The following TRMT11 variants were observed in gnomAD, a reference collection of about 807,000 sequenced individuals.
TRMT11 encodes the protein tRNA methyltransferase 11, also known as tRNA (guanine(10)-N(2))-methyltransferase TRMT11.
In TRMT11, 53 loss-of-function variants were observed where a neutral mutation model predicts 62.8. The ratio of observed to expected loss-of-function variants is 0.84; its 90% confidence interval spans 0.68 to 1.06. TRMT11 has a LOEUF of 1.06. Among genes scored for constraint, TRMT11 ranks in the 50% least tolerant of loss-of-function variants. TRMT11 has a pLI of 0.00. For synonymous variants in TRMT11, 188 were observed against 190.3 expected (o/e 0.99, Z 0.10); for missense variants, 556 against 553.4 (o/e 1.00, Z -0.05).
chr6:126,224,454 C>CG, the TRMT11 span, among the ~76,000 whole-genome samples: 1 of 152,060 alleles, frequency 6.6e-6, no homozygotes, highest in Non-Finnish European at 1.5e-5. Context: ...TCTCTAATGC[C>CG]GGGGGGCTGG....
At chr6:126,027,277 C>G (rs77160805) in intron 12 of TRMT11, among the ~76,000 whole-genome samples, 4 of 152,266 alleles carry the variant, frequency 2.6e-5, no homozygotes, top group Non-Finnish European at 4.4e-5. Context: ...ATAATAGTTA[C>G]GTTTTCAATG....
Position 126,181,593 on chromosome 6 carries a change from T to C in TRMT11, n.143+4258T>C, listed in dbSNP as rs542550963. On this transcript the variant is annotated intron_variant and non_coding_transcript_variant, in intron 1 of 3. Transcript: ENST00000444229. The stretch of plus-strand genomic sequence containing the variant: ...AGGCTTTACCTTAAAAGGTCAGGAA[T>C]GTAAATTGCCCAAGGTGAACTCTGA... Among the ~76,000 whole-genome samples, 4 of 152,294 alleles carry C rather than the reference T, an allele frequency of 2.6e-5. 1 individual carries two copies. Among genetic ancestry groups the C allele is most frequent in the Admixed American group, 1.3e-4 (2 of 15,290 alleles).
chr6:126,070,159 T>C (rs966988310), intron 17 of TRMT11, among the ~76,000 whole-genome samples: 9 of 152,232 alleles, frequency 5.9e-5, no homozygotes, highest in African/African-American at 2.2e-4. Context: ...GAGACAGTGC[T>C]TGAGGTGTGC....
At chr6:126,080,073 A>G (rs1004629994) in intron 17 of TRMT11, among the ~76,000 whole-genome samples, 1 of 151,474 alleles carries the variant, frequency 6.6e-6, no homozygotes, top group Non-Finnish European at 1.5e-5. Flanking sequence ...GAAAAAGAAA[A>G]CCAACTCTAG....
At chr6:126,080,050 A>G (rs1222180213) in intron 17 of TRMT11, among the ~76,000 whole-genome samples, 1 of 152,098 alleles carries the variant, frequency 6.6e-6, no homozygotes, top group Non-Finnish European at 1.5e-5. Context: ...GTATTTTTTT[A>G]TCTACATAAC....
chr6:126,071,364 T>A (rs898870730), intron 17 of TRMT11, among the ~76,000 whole-genome samples: 10 of 152,302 alleles, frequency 6.6e-5, no homozygotes, highest in South Asian at 4.1e-4. Flanking sequence ...TTTTATTTTT[T>A]TTTTTTGTTT....
At chr6:126,259,597 G>A in the TRMT11 span, among the ~76,000 whole-genome samples, 1 of 152,340 alleles carries the variant, frequency 6.6e-6, no homozygotes, top group East Asian at 1.9e-4. Flanking sequence ...ATGTGTGCAT[G>A]TGTCTTTATG....
At chr6:126,144,892 C>G (rs1777957337) in intron 21 of TRMT11, among the ~76,000 whole-genome samples, 1 of 152,124 alleles carries the variant, frequency 6.6e-6, no homozygotes, top group South Asian at 2.1e-4. Context: ...CCTGATTTTT[C>G]TATACAATTA....
chr6:126,042,053 A>G (rs976727918), downstream of TRMT11, among the ~76,000 whole-genome samples: 2 of 152,206 alleles, frequency 1.3e-5, no homozygotes, highest in African/African-American at 2.4e-5. Flanking sequence ...CATGGAGACA[A>G]TAACAGCAGA....
the TRMT11 span, among the ~76,000 whole-genome samples, chr6:126,214,431 C>T: frequency 2.0e-5 from 3 of 151,984 alleles, no homozygotes; most frequent in South Asian, 6.2e-4. Flanking sequence ...TTAATCTCTT[C>T]AGGTTTTGGA....
At chr6:126,131,522 C>T (rs574784659) in intron 21 of TRMT11, among the ~76,000 whole-genome samples, 1 of 151,990 alleles carries the variant, frequency 6.6e-6, no homozygotes, top group Non-Finnish European at 1.5e-5. Context: ...TACACCACGC[C>T]TTTAAAAGGA....
intron 17 of TRMT11, among the ~76,000 whole-genome samples, chr6:126,069,755 A>G (rs1411025782): frequency 6.6e-6 from 1 of 152,040 alleles, no homozygotes; most frequent in Non-Finnish European, 1.5e-5. Context: ...GTTATTGGAG[A>G]CTTTGAAGGA....
intron 21 of TRMT11, among the ~76,000 whole-genome samples, chr6:126,164,576 G>A (rs371145589): frequency 6.6e-6 from 1 of 152,204 alleles, no homozygotes; most frequent in African/African-American, 2.4e-5. Flanking sequence ...ACAGTGGAGT[G>A]TTAAATTCTC....
At chr6:126,151,527 T>C (rs1778037017) in intron 21 of TRMT11, among the ~76,000 whole-genome samples, 1 of 152,200 alleles carries the variant, frequency 6.6e-6, no homozygotes, top group Non-Finnish European at 1.5e-5. Flanking sequence ...AACCTTACAC[T>C]TAGAGCTCAG....
rs746381680 is a variant in TRMT11 at position 125,998,106 on chromosome 6, C to G, written c.266C>G (p.Ser89Cys). The stretch of plus-strand genomic sequence containing the variant: ...CAATCTCCTGAGGAGCTGTACAGTT[C>G]TCTTAAAAACTACCCTGTGGAGAAG... ...HGQSPEELYS[S>C]LKNYPVEKMV... The change falls in exon 4 of 13, where the codon TCT (serine) becomes TGT (cysteine). Residue 89 changes from serine (S) to cysteine (C), a missense_variant. Coordinates refer to ENST00000334379, the MANE Select transcript of TRMT11 (RefSeq NM_001031712.3). 4.3e-6 allele frequency: 7 copies of G among 1,613,604 alleles called. No individual in the cohort carries two copies. Among genetic ancestry groups the G allele is most frequent in the Middle Eastern group, 3.3e-4 (2 of 6,028 alleles).
chr6:125,986,677 T>C (rs1483083444), intron 1 of TRMT11, 55 bp downstream of exon 1: 1 of 1,490,618 alleles, frequency 6.7e-7, no homozygotes, highest in Non-Finnish European at 9.1e-7. Flanking sequence ...TGGAGTGGAG[T>C]GGAGTGGGTG....
the TRMT11 span, among the ~76,000 whole-genome samples, chr6:126,232,347 A>G: frequency 6.6e-6 from 1 of 152,152 alleles, no homozygotes; most frequent in South Asian, 2.1e-4. Flanking sequence ...AATAGAAGAA[A>G]ACCCCCAAAC....
At chr6:126,167,355 T>C (rs938875403) in intron 21 of TRMT11, among the ~76,000 whole-genome samples, 2 of 152,220 alleles carry the variant, frequency 1.3e-5, no homozygotes, top group Non-Finnish European at 2.9e-5. Flanking sequence ...CAGCTTCCCT[T>C]GGCTAGGGGA....
upstream of TRMT11, among the ~76,000 whole-genome samples, chr6:126,174,741 A>G (rs752558681): frequency 1.3e-5 from 2 of 152,198 alleles, no homozygotes; most frequent in South Asian, 4.1e-4. Context: ...CCCACCCTGA[A>G]TGTCCTTGCC....
Sources: allele counts gnomAD v4.1 joint callset (sites outside exome capture counted in the v4.1 genomes callset), GRCh38; gene constraint gnomAD v4.1.1; transcripts MANE v1.5; gene names NCBI Gene and HGNC (gene_info 2026-07-23, HGNC 2026-07-21).